HSD17B4: variants seen among roughly 807,000 people sequenced by gnomAD.
HSD17B4 encodes hydroxysteroid 17-beta dehydrogenase 4.
In HSD17B4, 70 loss-of-function variants were observed where a neutral mutation model predicts 101.0. The ratio of observed to expected loss-of-function variants is 0.69; its 90% CI spans 0.57 to 0.85. The LOEUF (loss-of-function observed/expected upper bound fraction) is 0.85, where lower values mean the gene tolerates loss of function less well. Ranked by LOEUF, HSD17B4 falls within the 40% of genes least tolerant of loss-of-function variation. The probability of loss-of-function intolerance (pLI) is 0.00; values close to 1 mark genes in which losing one functional copy is unlikely to be tolerated. For missense variants in HSD17B4, 984 were observed against 892.4 expected (o/e 1.10, Z -1.31); for synonymous variants, 347 against 297.1 (o/e 1.17, Z -1.73).
chr5:119,462,248 A>ATTTTTTTTTTTTTTT (rs10524491), intron 2 of HSD17B4, among the ~76,000 whole-genome samples: 3 of 30,010 alleles, frequency 1.0e-4, no homozygotes, highest in African/African-American at 2.9e-4. Flanking sequence ...AACAAATGTG[A>ATTTTTTTTTTTTTTT]TTTTTTTTTT....
At chr5:119,467,909 C>A (rs936339134) in intron 2 of HSD17B4, among the ~76,000 whole-genome samples, 3 of 152,084 alleles carry the variant, frequency 2.0e-5, no homozygotes, top group Admixed American at 6.6e-5. Context: ...CTTTCATTTT[C>A]AGTCCATGTG....
At chr5:119,527,280 T>A (rs182516654) in intron 20 of HSD17B4, 61 bp downstream of exon 20, 2 of 948,824 alleles carry the variant, frequency 2.1e-6, no homozygotes, top group South Asian at 2.6e-5. Context: ...ATCTTACCAT[T>A]TTTTTTTGGT....
At chr5:119,462,167 A>AT (rs1458138652) in intron 2 of HSD17B4, among the ~76,000 whole-genome samples, 2 of 138,576 alleles carry the variant, frequency 1.4e-5, no homozygotes, top group Non-Finnish European at 3.1e-5. Context: ...TAGTCTTACC[A>AT]TTTTTTGCTA....
chr5:119,502,242 A>T (rs1751238086), intron 14 of HSD17B4, 150 bp downstream of exon 14: 1 of 624,650 alleles, frequency 1.6e-6, no homozygotes, highest in South Asian at 2.0e-5. Flanking sequence ...GAGTAGACTG[A>T]TGTTAACTAG....
intron 2 of HSD17B4, among the ~76,000 whole-genome samples, chr5:119,468,462 G>A (rs975222223): frequency 6.6e-6 from 1 of 151,258 alleles, no homozygotes; most frequent in Admixed American, 6.6e-5. Flanking sequence ...CTCCTGGCTT[G>A]TAATGTTTCT....
chr5:119,506,037 T>G (rs918224642), intron 14 of HSD17B4, among the ~76,000 whole-genome samples: 4 of 152,212 alleles, frequency 2.6e-5, no homozygotes, highest in African/African-American at 9.7e-5. Flanking sequence ...TTTATTATAC[T>G]TTAAGTTCTG....
At chr5:119,517,144 C>T (rs1165898452) in intron 17 of HSD17B4, among the ~76,000 whole-genome samples, 1 of 152,070 alleles carries the variant, frequency 6.6e-6, no homozygotes, top group African/African-American at 2.4e-5. Flanking sequence ...GCGCGGCGCT[C>T]GCAGGCCAGC....
chr5:119,475,345 T>G (rs1748480390), intron 4 of HSD17B4, among the ~76,000 whole-genome samples: 1 of 152,202 alleles, frequency 6.6e-6, no homozygotes, highest in Non-Finnish European at 1.5e-5. Flanking sequence ...AATGTAACTT[T>G]AACTTGCTAA....
chr5:119,521,803 A>G (rs1753134987), intron 17 of HSD17B4, among the ~76,000 whole-genome samples: 1 of 151,480 alleles, frequency 6.6e-6, no homozygotes, highest in African/African-American at 2.4e-5. Context: ...TGTTTGTTTT[A>G]CATCCCCAAA....
At chr5:119,503,076 TTGTGTGTGTGTG>T (rs759039800) in intron 14 of HSD17B4, among the ~76,000 whole-genome samples, 34 of 140,642 alleles carry the variant, frequency 2.4e-4, no homozygotes, top group African/African-American at 6.7e-4. Flanking sequence ...ACCTTGGAAA[TTGTGTGTGTGTG>T]TGTGTGTGTG....
chr5:119,526,282 TTA>T (rs369231282), intron 19 of HSD17B4, among the ~76,000 whole-genome samples: 8 of 59,294 alleles, frequency 1.3e-4, no homozygotes, highest in East Asian at 2.3e-3. Flanking sequence ...GGTGCATATA[TTA>T]TATATATATA....
intron 4 of HSD17B4, 93 bp downstream of exon 4, chr5:119,474,553 C>G (rs1260797936): frequency 7.5e-6 from 6 of 802,900 alleles, no homozygotes; most frequent in Non-Finnish European, 1.4e-5. Context: ...AAACAGATAC[C>G]TCTTTCCTCA....
intron 1 of HSD17B4, among the ~76,000 whole-genome samples, chr5:119,454,329 A>G (rs770632930): frequency 2.2e-4 from 33 of 149,604 alleles, no homozygotes; most frequent in Non-Finnish European, 3.7e-4. Context: ...TTTCAGAGCT[A>G]AAGGTTTTAC....
At chr5:119,485,432 G>C (rs1749530390) in intron 8 of HSD17B4, among the ~76,000 whole-genome samples, 1 of 152,030 alleles carries the variant, frequency 6.6e-6, no homozygotes, top group African/African-American at 2.4e-5. Context: ...AATCTTTCTG[G>C]ATCTGTTTTC....
At chr5:119,519,471 A>G (rs1752926701) in intron 17 of HSD17B4, among the ~76,000 whole-genome samples, 1 of 152,160 alleles carries the variant, frequency 6.6e-6, no homozygotes, top group African/African-American at 2.4e-5. Flanking sequence ...CTAGTGGGAG[A>G]TCTTTGCAGA....
At chr5:119,538,704 C>T (rs1210479061) in intron 23 of HSD17B4, among the ~76,000 whole-genome samples, 2 of 152,118 alleles carry the variant, frequency 1.3e-5, no homozygotes, top group African/African-American at 2.4e-5. Flanking sequence ...TCCTTCCTTT[C>T]AGTTCCTTCC....
intron 6 of HSD17B4, chr5:119,476,495 C>G: frequency 2.2e-6 from 2 of 902,184 alleles, no homozygotes; most frequent in Middle Eastern, 5.7e-4. Flanking sequence ...AGCATGGCAA[C>G]TGAGGTGAAA....
chr5:119,472,431 T>C (rs1756463595), intron 2 of HSD17B4: 2 of 150,474 alleles, frequency 1.3e-5, no homozygotes, highest in Non-Finnish European at 2.9e-5. Context: ...TCTTGCATAA[T>C]TGAAATTTTT....
chr5:119,485,497 G>T (rs920083435), intron 8 of HSD17B4, among the ~76,000 whole-genome samples: 1 of 151,832 alleles, frequency 6.6e-6, no homozygotes, highest in Non-Finnish European at 1.5e-5. Context: ...TTAATTTTGG[G>T]ACTATTATTT....
Sources: allele counts gnomAD v4.1 joint callset (sites outside exome capture counted in the v4.1 genomes callset), GRCh38; gene constraint gnomAD v4.1.1; transcripts MANE v1.5; gene names NCBI Gene and HGNC (gene_info 2026-07-23, HGNC 2026-07-21).